Variants in SLC15A5 observed in about 807,000 individuals in gnomAD.
The protein encoded by SLC15A5 is Peptide/histidine transporter ENSP00000340402.
Under a neutral mutation model 56.1 loss-of-function variants are expected in SLC15A5, and 58 were observed. The ratio of observed to expected loss-of-function variants is 1.03; its 90% CI spans 0.84 to 1.29. The LOEUF (loss-of-function observed/expected upper bound fraction) is 1.29, where lower values mean the gene tolerates loss of function less well. SLC15A5 is among the 50% of genes most tolerant of loss of function. SLC15A5 has a pLI of 0.00. For missense variants in SLC15A5, 681 were observed against 672.1 expected (o/e 1.01, Z -0.15); for synonymous variants, 264 against 250.5 (o/e 1.05, Z -0.51).
Position 16,193,833 on chromosome 12 carries a change from GAGAGAGAGAGA to G in SLC15A5, c.1592+501_1592+511del, listed in dbSNP as rs1565654543. Among the ~76,000 whole-genome samples the G allele has an allele frequency of 4.5e-3, 587 of 131,362 alleles. 22 individuals are homozygous for G. The highest frequency in any genetic ancestry group is 0.015 in the African/African-American group (509 of 34,898). 86.2% of individuals were successfully genotyped at this position (131,362 alleles called of 152,430 possible). On this transcript the variant is annotated intron_variant, in intron 8 of 8. Coordinates refer to ENST00000344941, the MANE Select transcript of SLC15A5 (RefSeq NM_001170798.1). Reference sequence around the variant, plus strand: ...AGAGAGAGAGAGAGAGAGAGAGAGAGAGAGAGAGAGAGGCTGGCAATGGATGGGTGGATGGA... The same window carrying G: ...AGAGAGAGAGAGAGAGAGAGAGAGAGGGCTGGCAATGGATGGGTGGATGGA...
chr12:16,220,682 G>C (rs7979010), intron 6 of SLC15A5, among the ~76,000 whole-genome samples: 149,520 of 152,332 alleles, frequency 0.98, 73,441 homozygotes, highest in Middle Eastern at 1. Flanking sequence ...AAAACCATGT[G>C]TTGGATCAAT....
At chr12:16,190,268 C>A (rs1020178784) in intron 8 of SLC15A5, among the ~76,000 whole-genome samples, 16 of 152,186 alleles carry the variant, frequency 1.1e-4, no homozygotes, top group Non-Finnish European at 1.8e-4. Flanking sequence ...AAAAACCTGC[C>A]TTTCCAGTGT....
intron 2 of SLC15A5, among the ~76,000 whole-genome samples, chr12:16,270,629 C>G (rs1337789700): frequency 6.6e-6 from 1 of 152,120 alleles, no homozygotes; most frequent in Non-Finnish European, 1.5e-5. Context: ...GATACAATAG[C>G]TCTCCAAGAT....
chr12:16,195,691 G>A (rs1863888533), intron 7 of SLC15A5, among the ~76,000 whole-genome samples: 2 of 152,094 alleles, frequency 1.3e-5, no homozygotes, highest in Admixed American at 6.6e-5. Context: ...TGGCACATGG[G>A]TTGTAGGGTT....
chr12:16,231,831 T>C (rs1048671396), intron 5 of SLC15A5, among the ~76,000 whole-genome samples: 2 of 152,232 alleles, frequency 1.3e-5, no homozygotes, highest in African/African-American at 4.8e-5. Context: ...ACACCTCACC[T>C]TCAGCACTAG....
intron 7 of SLC15A5, among the ~76,000 whole-genome samples, chr12:16,208,713 C>G (rs897387616): frequency 2.6e-5 from 4 of 152,010 alleles, no homozygotes; most frequent in African/African-American, 4.8e-5. Context: ...GTATCTTGAA[C>G]CCACACCTAA....
intron 2 of SLC15A5, among the ~76,000 whole-genome samples, chr12:16,268,880 TA>T (rs1864720759): frequency 6.6e-6 from 1 of 152,086 alleles, no homozygotes; most frequent in Non-Finnish European, 1.5e-5. Flanking sequence ...AACTTGGTAT[TA>T]GGTGTTATAC....
chr12:16,266,413 T>C (rs550440681), intron 2 of SLC15A5, among the ~76,000 whole-genome samples: 1 of 152,338 alleles, frequency 6.6e-6, no homozygotes, highest in African/African-American at 2.4e-5. Context: ...ATTACAACTA[T>C]TCCAAGACTT....
intron 8 of SLC15A5, among the ~76,000 whole-genome samples, chr12:16,191,833 G>A (rs1863840816): frequency 6.6e-6 from 1 of 152,042 alleles, no homozygotes; most frequent in Admixed American, 6.5e-5. Context: ...ATCTCTGGAG[G>A]CAAATTTTCC....
At chr12:16,226,938 T>C (rs1375155104) in intron 5 of SLC15A5, among the ~76,000 whole-genome samples, 11 of 152,204 alleles carry the variant, frequency 7.2e-5, no homozygotes, top group African/African-American at 2.7e-4. Context: ...CAATTTTAGA[T>C]AAGGCAAAGC....
Position 16,217,015 on chromosome 12 carries a change from A to T in SLC15A5, c.1361T>A (p.Ile454Lys). Residue 454 changes from isoleucine (I) to lysine (K), a missense_variant, in exon 7 of 9, where the codon ATA (isoleucine) becomes AAA (lysine). Physicochemically the swap from Ile to Lys is moderately radical, Grantham distance 102. Coordinates refer to ENST00000344941, the MANE Select transcript of SLC15A5 (RefSeq NM_001170798.1). ...ETLVNPALSVISYRFVPSNVR... is the reference protein window; with the variant it reads ...ETLVNPALSVKSYRFVPSNVR... ...ATTGCTTGGAACAAATCTGTATGAT[A>T]TTACAGAGACTGAGAGAAAAAGAGA... 6.5e-7 allele frequency: 1 copy of T among 1,534,662 alleles called. No individual in the cohort carries two copies. Among genetic ancestry groups the T allele is most frequent in the South Asian group, 1.2e-5 (1 of 83,438 alleles).
intron 2 of SLC15A5, among the ~76,000 whole-genome samples, chr12:16,260,190 G>C (rs1331910114): frequency 2.0e-5 from 3 of 152,102 alleles, no homozygotes; most frequent in Non-Finnish European, 2.9e-5. Flanking sequence ...TGTGTAAGGG[G>C]AGCAGGACTT....
chr12:16,272,819 T>A (rs1417278474), intron 1 of SLC15A5, 36 bp from the exon 2 acceptor site: 3 of 1,498,034 alleles, frequency 2.0e-6, no homozygotes, highest in South Asian at 1.2e-5. Flanking sequence ...AAATGTAGCA[T>A]AGAACAAGTG....
At chr12:16,190,921 G>A (rs532376008) in intron 8 of SLC15A5, among the ~76,000 whole-genome samples, 15 of 152,088 alleles carry the variant, frequency 9.9e-5, no homozygotes, top group South Asian at 2.1e-4. Flanking sequence ...TGGAAGGACA[G>A]TGGTGTTAGT....
chr12:16,250,346 G>T (rs538001994), intron 3 of SLC15A5, among the ~76,000 whole-genome samples: 1 of 152,112 alleles, frequency 6.6e-6, no homozygotes, highest in African/African-American at 2.4e-5. Context: ...CAGAGGCAAA[G>T]CATCCAGAGT....
intron 5 of SLC15A5, among the ~76,000 whole-genome samples, chr12:16,231,226 C>G (rs1015006313): frequency 2.0e-5 from 3 of 152,100 alleles, no homozygotes; most frequent in African/African-American, 7.2e-5. Context: ...ATCTACATTC[C>G]AATATCTAGA....
chr12:16,254,548 G>A (rs1004441574), intron 3 of SLC15A5, among the ~76,000 whole-genome samples: 1 of 152,068 alleles, frequency 6.6e-6, no homozygotes, highest in African/African-American at 2.4e-5. Context: ...TGGCTGAATA[G>A]TATTCCATCG....
At position 16,257,714 on chromosome 12, in the gene SLC15A5, ATAAAT is replaced by A. The variant is rs1416595899; in HGVS notation, c.736_740del (p.Ile246SerfsTer17). 5 of 1,469,796 alleles carry A rather than the reference ATAAAT, an allele frequency of 3.4e-6. No homozygotes were observed. The African/African-American group carries it at 7.2e-5, about 21-fold the overall frequency. 91.0% of individuals were successfully genotyped at this position (1,469,796 alleles called of 1,614,324 possible). A position where few individuals can be genotyped will look rare whatever the true frequency, so the allele number is the denominator to read the frequency against. On this transcript the variant is annotated frameshift_variant, in exon 3 of 9. Transcript: ENST00000344941. LOFTEE classifies it high-confidence loss of function. ...TAATTTACTTACGTTTTTCTGACTG[ATAAAT>A]TAGGTTGTAGTATATCATATGAAGA... is the stretch of plus-strand genomic sequence containing the variant.
At chr12:16,231,846 T>C (rs1235877775) in intron 5 of SLC15A5, among the ~76,000 whole-genome samples, 1 of 152,226 alleles carries the variant, frequency 6.6e-6, no homozygotes, top group Non-Finnish European at 1.5e-5. Context: ...CACTAGGAAG[T>C]ATGCCTCAAA....
Sources: gnomAD v4.1 joint callset for allele counts (sites outside exome capture counted in the v4.1 genomes callset) on GRCh38, gnomAD v4.1.1 for gene constraint, MANE v1.5 for transcripts, NCBI Gene and HGNC (gene_info 2026-07-23, HGNC 2026-07-21) for gene names.